ZCCHC17: variants seen among roughly 807,000 people sequenced by gnomAD.
The protein encoded by ZCCHC17 is zinc finger CCHC-type containing 17.
ZCCHC17 carries 18 observed loss-of-function variants against 30.6 expected under a neutral mutation model. The observed-to-expected ratio is 0.59, with a 90% CI of 0.41 to 0.87. ZCCHC17 has a LOEUF of 0.87. ZCCHC17 is among the 40% of genes least tolerant of loss of function. The probability of loss-of-function intolerance (pLI) is 0.00; values close to 1 mark genes in which losing one functional copy is unlikely to be tolerated. For missense variants in ZCCHC17, 263 were observed against 284.2 expected (o/e 0.93, Z 0.54); for synonymous variants, 88 against 92.4 (o/e 0.95, Z 0.27).
intron 3 of ZCCHC17, among the ~76,000 whole-genome samples, chr1:31,330,139 T>C (rs1396676580): frequency 6.6e-6 from 1 of 152,196 alleles, no homozygotes; most frequent in Non-Finnish European, 1.5e-5. Flanking sequence ...CCTCTAATGA[T>C]TTGAGATTTT....
intron 3 of ZCCHC17, among the ~76,000 whole-genome samples, chr1:31,334,172 C>T (rs977624241): frequency 9.2e-5 from 14 of 152,200 alleles, no homozygotes; most frequent in Middle Eastern, 3.4e-3. Context: ...GGCTATCAAC[C>T]TCCAGAATCA....
At chr1:31,302,838 CTG>C (rs200251177) in intron 1 of ZCCHC17, among the ~76,000 whole-genome samples, 2,047 of 152,212 alleles carry the variant, frequency 0.013, 47 homozygotes, top group African/African-American at 0.046. Flanking sequence ...TGAGAACAGA[CTG>C]TGGGAAACTG....
intron 7 of ZCCHC17, among the ~76,000 whole-genome samples, chr1:31,350,419 C>T (rs1336805298): frequency 6.6e-6 from 1 of 151,758 alleles, no homozygotes; most frequent in East Asian, 1.9e-4. Context: ...AATAATTTCC[C>T]AATCTATATA....
chr1:31,329,334 C>G (rs1003920851), intron 3 of ZCCHC17, among the ~76,000 whole-genome samples: 2 of 152,038 alleles, frequency 1.3e-5, no homozygotes, highest in African/African-American at 4.8e-5. Flanking sequence ...GCAGTGCAAC[C>G]CTATACAATT....
intron 2 of ZCCHC17, among the ~76,000 whole-genome samples, chr1:31,311,486 A>C (rs955697391): frequency 2.6e-5 from 4 of 152,196 alleles, no homozygotes; most frequent in Middle Eastern, 3.2e-3. Context: ...AAAATACCTG[A>C]GATTGGGTAA....
chr1:31,355,908 T>A, intron 7 of ZCCHC17, among the ~76,000 whole-genome samples: 1 of 152,178 alleles, frequency 6.6e-6, no homozygotes, highest in East Asian at 1.9e-4. Flanking sequence ...ATCTTCTGTC[T>A]GAGATGGCTT....
intron 7 of ZCCHC17, among the ~76,000 whole-genome samples, chr1:31,351,284 A>T (rs1639460416): frequency 6.6e-6 from 1 of 152,118 alleles, no homozygotes; most frequent in Admixed American, 6.5e-5. Flanking sequence ...ATATCTCAAA[A>T]TTGTTTATCC....
Position 31,339,960 on chromosome 1 carries a change from C to CTTTTTTTTTTTTTTTTT in ZCCHC17, c.317+920_317+936dup, listed in dbSNP as rs36008834. Reference sequence around the variant, plus strand: ...TCTGTCTCAAGTCTTTCTTGGATTTCTTTTTTTTTTTTTTTTTTTTTTTTG... The same window carrying CTTTTTTTTTTTTTTTTT: ...TCTGTCTCAAGTCTTTCTTGGATTTCTTTTTTTTTTTTTTTTTTTTTTTTTTTTTTTTTTTTTTTTTG... On this transcript the variant is annotated intron_variant, in intron 5 of 7. Coordinates refer to ENST00000344147, the MANE Select transcript of ZCCHC17 (RefSeq NM_016505.4). 6.6e-5 allele frequency among the ~76,000 whole-genome samples: 6 copies of CTTTTTTTTTTTTTTTTT among 90,386 alleles called. 1 individual carries two copies. Among genetic ancestry groups the CTTTTTTTTTTTTTTTTT allele is most frequent in the African/African-American group, 2.1e-4 (6 of 28,790 alleles). 59.3% of individuals were successfully genotyped at this position (90,386 alleles called of 152,430 possible).
chr1:31,318,474 C>G (rs1032407322), intron 2 of ZCCHC17, among the ~76,000 whole-genome samples: 2 of 152,150 alleles, frequency 1.3e-5, no homozygotes, highest in Non-Finnish European at 2.9e-5. Context: ...TTAGACAACT[C>G]TGCAGAAGAC....
chr1:31,317,315 G>A (rs1361083827), intron 2 of ZCCHC17, among the ~76,000 whole-genome samples: 1 of 152,104 alleles, frequency 6.6e-6, no homozygotes, highest in Non-Finnish European at 1.5e-5. Context: ...ATGAGCCTCC[G>A]TGCCTGGCCT....
At chr1:31,322,958 G>C (rs969735530) in intron 3 of ZCCHC17, among the ~76,000 whole-genome samples, 1 of 152,068 alleles carries the variant, frequency 6.6e-6, no homozygotes, top group African/African-American at 2.4e-5. Flanking sequence ...CTTTCCTTGT[G>C]ACCTGCCCGT....
chr1:31,323,169 A>C (rs552335331), intron 3 of ZCCHC17, among the ~76,000 whole-genome samples: 23 of 152,258 alleles, frequency 1.5e-4, no homozygotes, highest in African/African-American at 5.3e-4. Flanking sequence ...CGTTTTAGGA[A>C]CTCTGCCAGG....
rs570061062 is a variant in ZCCHC17, at chr1:31,310,069, G to A, written c.-30G>A. 7 of 1,610,078 alleles carry A rather than the reference G, an allele frequency of 4.3e-6. No homozygotes were observed. The South Asian group carries it at 7.7e-5, about 18-fold the overall frequency. Reference sequence around the variant, plus strand: ...GACACTTGTATTAGCTTTAATAGAAGAGAAATGGAGGAGCCATAGAATATT... The same window carrying A: ...GACACTTGTATTAGCTTTAATAGAAAAGAAATGGAGGAGCCATAGAATATT... On this transcript the variant is annotated 5_prime_UTR_variant, in exon 2 of 8. Coordinates refer to ENST00000344147, the MANE Select transcript of ZCCHC17 (RefSeq NM_016505.4).
intron 7 of ZCCHC17, among the ~76,000 whole-genome samples, chr1:31,363,128 A>G (rs1483668416): frequency 2.3e-5 from 3 of 127,820 alleles, no homozygotes; most frequent in Non-Finnish European, 3.4e-5. Context: ...TGTTTTAGCT[A>G]TTTTTTTCTT....
At chr1:31,328,571 CATAG>C (rs1638451033) in intron 3 of ZCCHC17, among the ~76,000 whole-genome samples, 1 of 151,704 alleles carries the variant, frequency 6.6e-6, no homozygotes, top group Admixed American at 6.6e-5. Flanking sequence ...ATAGGAAAAA[CATAG>C]TATGTATAGG....
At chr1:31,334,327 CTCTCTCTCTCTGTGTGTGTGTGTGTG>C (rs1638719645) in intron 3 of ZCCHC17, among the ~76,000 whole-genome samples, 2 of 60,752 alleles carry the variant, frequency 3.3e-5, no homozygotes, top group Non-Finnish European at 6.2e-5. Context: ...CTCTCTCTCT[CTCTCTCTCTCTGTGTGTGTGTGTGTG>C]TGTGTGTGTG....
chr1:31,325,968 G>A (rs1638322380), intron 3 of ZCCHC17, among the ~76,000 whole-genome samples: 1 of 151,176 alleles, frequency 6.6e-6, no homozygotes, highest in Non-Finnish European at 1.5e-5. Context: ...ACCCCAGCCT[G>A]GGTAAGAGTA....
intron 1 of ZCCHC17, among the ~76,000 whole-genome samples, chr1:31,307,519 C>T (rs1241573755): frequency 6.7e-6 from 1 of 150,250 alleles, no homozygotes; most frequent in Non-Finnish European, 1.5e-5. Flanking sequence ...AAGTGATTCT[C>T]CTGCCTCCAG....
In ZCCHC17 at chr1:31,300,507, C is replaced by T. The variant is rs72876362; in HGVS notation, c.-56+3432C>T. On this transcript the variant is annotated intron_variant, in intron 1 of 7. Coordinates refer to ENST00000344147, the MANE Select transcript of ZCCHC17 (RefSeq NM_016505.4). ...TGGGTTCTGTTGTCTGCAACTGTCC[C>T]GGGCTAGGTTAGACATACTGCCAGA... is the stretch of plus-strand genomic sequence containing the variant. Among the ~76,000 whole-genome samples, 445 of 152,200 alleles carry T rather than the reference C, an allele frequency of 2.9e-3. 3 individuals are homozygous for T. Among genetic ancestry groups the T allele is most frequent in the African/African-American group, 9.9e-3 (412 of 41,508 alleles).
Sources: gnomAD v4.1 joint callset for allele counts (sites outside exome capture counted in the v4.1 genomes callset) on GRCh38, gnomAD v4.1.1 for gene constraint, MANE v1.5 for transcripts, NCBI Gene and HGNC (gene_info 2026-07-23, HGNC 2026-07-21) for gene names.